The following DDX55 variants were observed in gnomAD, a reference collection of about 807,000 sequenced individuals.
The protein encoded by DDX55 is DEAD-box helicase 55.
A neutral mutation model predicts 69.2 loss-of-function variants in DDX55; 56 were observed. That is an observed-to-expected ratio of 0.81 (90% CI 0.65 to 1.01). The LOEUF (loss-of-function observed/expected upper bound fraction) is 1.01. Ranked by LOEUF, DDX55 falls within the 50% of genes least tolerant of loss-of-function variation. The probability of loss-of-function intolerance (pLI) is 0.00; values close to 1 mark genes in which losing one functional copy is unlikely to be tolerated. For missense variants in DDX55, 720 were observed against 745.1 expected (o/e 0.97, Z 0.39); for synonymous variants, 268 against 273.1 (o/e 0.98, Z 0.18).
At chr12:123,610,172 G>A in intron 7 of DDX55, 44 bp downstream of exon 7, 1 of 1,575,888 alleles carries the variant, frequency 6.3e-7, no homozygotes, top group Non-Finnish European at 8.6e-7. Context: ...AATGACCAGT[G>A]CTCATTTTAT....
intron 6 of DDX55, among the ~76,000 whole-genome samples, chr12:123,609,068 A>G (rs1039712370): frequency 6.6e-6 from 1 of 151,912 alleles, no homozygotes; most frequent in African/African-American, 2.4e-5. Flanking sequence ...ATCCTCCTGC[A>G]TCAGCCTCCC....
At chr12:123,618,398 G>T in intron 11 of DDX55, 1 of 903,352 alleles carries the variant, frequency 1.1e-6, no homozygotes, top group Non-Finnish European at 1.7e-6. Flanking sequence ...CTGGGACCCA[G>T]GCAAGGGTTA....
intron 8 of DDX55, 133 bp downstream of exon 8, chr12:123,613,385 C>A: frequency 1.1e-6 from 1 of 884,424 alleles, no homozygotes; most frequent in Non-Finnish European, 1.7e-6. Flanking sequence ...TAACTGAAAA[C>A]CCAACTTTTG....
At chr12:123,606,539 A>G (rs1953902043) in intron 3 of DDX55, among the ~76,000 whole-genome samples, 1 of 151,860 alleles carries the variant, frequency 6.6e-6, no homozygotes, top group African/African-American at 2.4e-5. Context: ...GCTCAGGTGT[A>G]AACAGTGTCC....
intron 8 of DDX55, 123 bp downstream of exon 8, chr12:123,613,375 T>A: frequency 1.0e-6 from 1 of 991,052 alleles, no homozygotes; most frequent in Non-Finnish European, 1.5e-6. Flanking sequence ...TGGCTGCAAA[T>A]AACTGAAAAC....
chr12:123,617,680 A>T, intron 10 of DDX55, 78 bp from the exon 11 acceptor site: 1 of 1,331,326 alleles, frequency 7.5e-7, no homozygotes. Context: ...TTTTAGCTGC[A>T]GCAGCCATGT....
chr12:123,611,097 C>A (rs1954207298), intron 7 of DDX55, among the ~76,000 whole-genome samples: 1 of 151,446 alleles, frequency 6.6e-6, no homozygotes, highest in South Asian at 2.1e-4. Flanking sequence ...GGTGGGGTTT[C>A]ACCACATTGG....
rs191265880 is a variant in DDX55 at position 123,611,748 on chromosome 12, G to A, written c.742-1422G>A. Among the ~76,000 whole-genome samples, 334 of 152,318 alleles carry A rather than the reference G, an allele frequency of 2.2e-3. 1 individual carries two copies. The highest frequency in any genetic ancestry group is 3.2e-3 in the Non-Finnish European group (217 of 68,026). On this transcript the variant is annotated intron_variant, in intron 7 of 13. Coordinates refer to ENST00000238146, the MANE Select transcript of DDX55 (RefSeq NM_020936.3). ...TCAGATAGGCTCATCAGAAGTGGGA[G>A]TTGTAGTTGCCATTGATGTTTCTGA...
In DDX55 at chr12:123,617,836, A is replaced by C; in HGVS notation, c.1128A>C (p.Glu376Asp). The C allele has an allele frequency of 6.2e-7, 1 of 1,614,162 alleles. No individual in the cohort carries two copies. Among genetic ancestry groups the C allele is most frequent in the Non-Finnish European group, 8.5e-7 (1 of 1,180,042 alleles). Residue 376 changes from glutamate to aspartate, a missense_variant, in exon 11 of 14, where the codon GAA (glutamate) becomes GAC (aspartate). Glu to Asp is a conservative substitution (Grantham distance 45). Transcript: ENST00000238146. ...CTCTGGTGTTCCTCCTGCCCATGGA[A>C]GAGTCATACATCAATTTCCTTGCAA... ...GSALVFLLPM[E>D]ESYINFLAIN...
intron 7 of DDX55, among the ~76,000 whole-genome samples, chr12:123,612,505 C>G (rs924462704): frequency 6.6e-6 from 1 of 152,040 alleles, no homozygotes; most frequent in East Asian, 1.9e-4. Flanking sequence ...TCCATGGAGG[C>G]CTTTTAAATA....
chr12:123,616,449 CTGTT>C, intron 9 of DDX55, 58 bp from the exon 10 acceptor site: 2 of 1,442,762 alleles, frequency 1.4e-6, no homozygotes, highest in Non-Finnish European at 2.0e-6. Flanking sequence ...GATCAGTAGG[CTGTT>C]TGATGGTGAT....
At chr12:123,606,678 C>A (rs546890365) in intron 3 of DDX55, among the ~76,000 whole-genome samples, 1 of 151,728 alleles carries the variant, frequency 6.6e-6, no homozygotes, top group South Asian at 2.1e-4. Context: ...GCAACCTCCA[C>A]CTCCCAGGCT....
chr12:123,607,294 A>C, intron 3 of DDX55, 138 bp from the exon 4 acceptor site: 1 of 838,000 alleles, frequency 1.2e-6, no homozygotes, highest in Non-Finnish European at 1.9e-6. Flanking sequence ...ATATGTGCTC[A>C]GAGATGCTGC....
Position 123,602,103 on chromosome 12 carries a change from A to G in DDX55, c.-46A>G, listed in dbSNP as rs750636580. 157 of 1,499,678 alleles carry G rather than the reference A, an allele frequency of 1.0e-4. No individual in the cohort carries two copies. Among genetic ancestry groups the G allele is most frequent in the Non-Finnish European group, 1.3e-4 (146 of 1,111,448 alleles). The allele number at this position is 1,499,678 out of a possible 1,614,324, so 92.9% of individuals were successfully genotyped here. On this transcript the variant is annotated 5_prime_UTR_variant, in exon 1 of 14. Transcript: ENST00000238146. ...GCGGAAGTGCTCGTTGGGGGTGCAC[A>G]AGGCGCGTTCGAGCAGCGGCGACCG...
In DDX55 at chr12:123,613,305, A is replaced by G. The variant is rs1954405323; in HGVS notation, c.824+53A>G. The G allele has an allele frequency of 6.4e-7, 1 of 1,569,722 alleles. No homozygotes were observed. Among genetic ancestry groups the G allele is most frequent in the Non-Finnish European group, 8.8e-7 (1 of 1,141,884 alleles). ...CATCAGGGATTCAGCCAGAATGTGC[A>G]GGTGCATGCGGCCTTTGGGTTTTGG... On this transcript the variant is annotated intron_variant, in intron 8 of 13. Transcript: ENST00000238146.
chr12:123,608,176 T>G (rs1164058768), intron 5 of DDX55: 1 of 174,612 alleles, frequency 5.7e-6, no homozygotes, highest in Non-Finnish European at 1.2e-5. Flanking sequence ...TTACATAGGA[T>G]TCTCTAATTC....
At chr12:123,619,888 T>G in intron 13 of DDX55, 76 bp from the exon 14 acceptor site, 1 of 1,538,554 alleles carries the variant, frequency 6.5e-7, no homozygotes, top group Non-Finnish European at 8.7e-7. Flanking sequence ...TTATAGTTCT[T>G]GAGTTAAAAC....
intron 9 of DDX55, 45 bp downstream of exon 9, chr12:123,615,361 T>C: frequency 6.2e-7 from 1 of 1,606,520 alleles, no homozygotes; most frequent in South Asian, 1.1e-5. Context: ...GCCACACTGC[T>C]CTTTCAGGTC....
intron 5 of DDX55, 119 bp from the exon 6 acceptor site, chr12:123,608,561 C>T (rs979609578): frequency 1.9e-5 from 23 of 1,214,724 alleles, no homozygotes; most frequent in East Asian, 1.2e-4. Flanking sequence ...TCATGCTCTT[C>T]GTTCTCTTCA....
Sources: gnomAD v4.1 joint callset for allele counts (sites outside exome capture counted in the v4.1 genomes callset) on GRCh38, gnomAD v4.1.1 for gene constraint, MANE v1.5 for transcripts, NCBI Gene and HGNC (gene_info 2026-07-23, HGNC 2026-07-21) for gene names.